Variants in XPO4 observed in about 807,000 individuals in gnomAD.
XPO4 encodes the protein exportin-4.
In XPO4, 39 loss-of-function variants were observed where a neutral mutation model predicts 143.0. That is an observed-to-expected ratio of 0.27 (90% confidence interval 0.21 to 0.36). XPO4 has a LOEUF of 0.36. Ranked by LOEUF, XPO4 falls within the 10% of genes least tolerant of loss-of-function variation. XPO4 has a pLI of 1.00. For synonymous variants in XPO4, 439 were observed against 474.0 expected (o/e 0.93, Z 0.96); for missense variants, 907 against 1,348.0 (o/e 0.67, Z 5.12).
chr13:20,804,264 C>T (rs144202325), intron 13 of XPO4, among the ~76,000 whole-genome samples: 24 of 151,122 alleles, frequency 1.6e-4, no homozygotes, highest in Admixed American at 1.5e-3. Flanking sequence ...CACACACATA[C>T]ACACAAGCAT....
intron 1 of XPO4, among the ~76,000 whole-genome samples, chr13:20,870,354 C>A (rs2060283837): frequency 6.6e-6 from 1 of 151,874 alleles, no homozygotes; most frequent in Non-Finnish European, 1.5e-5. Context: ...ATCACTTGAA[C>A]CCAGGCAGCA....
chr13:20,812,613 T>G (rs1451735210), intron 9 of XPO4, among the ~76,000 whole-genome samples: 5 of 152,012 alleles, frequency 3.3e-5, no homozygotes, highest in Non-Finnish European at 7.4e-5. Flanking sequence ...AAATGCAATG[T>G]GATATCCAGG....
intron 13 of XPO4, among the ~76,000 whole-genome samples, chr13:20,801,839 T>C (rs909196396): frequency 6.6e-5 from 10 of 152,106 alleles, no homozygotes; most frequent in African/African-American, 2.2e-4. Context: ...CCTGAAATGA[T>C]CTCATCATGA....
chr13:20,889,498 G>A (rs2060491909), intron 1 of XPO4, among the ~76,000 whole-genome samples: 2 of 152,176 alleles, frequency 1.3e-5, no homozygotes, highest in Admixed American at 6.5e-5. Context: ...GCAACTAGTG[G>A]ATAGAGGGTA....
At chr13:20,872,079 A>T (rs973062477) in intron 1 of XPO4, among the ~76,000 whole-genome samples, 5 of 152,176 alleles carry the variant, frequency 3.3e-5, no homozygotes, top group Admixed American at 2.0e-4. Context: ...CAGTCCGGGA[A>T]ACCTTTTAAA....
rs66665772 is a variant in XPO4, at chr13:20,855,461, GA to G, written c.456+165del. On this transcript the variant is annotated intron_variant, in intron 4 of 22. Coordinates refer to ENST00000255305, the MANE Select transcript of XPO4 (RefSeq NM_022459.5). ...CAAGAGCAAAACTCTTGTCACAAGG[GA>G]AAAAAAAAAAAAAAGACTAGAAGAA... 8.0e-3 allele frequency among the ~76,000 whole-genome samples: 978 copies of G among 122,502 alleles called. 8 individuals carry two copies. The highest frequency in any genetic ancestry group is 0.021 in the African/African-American group (719 of 33,960). The allele number at this position is 122,502 out of a possible 152,430, so 80.4% of individuals were successfully genotyped here.
chr13:20,850,320 G>C (rs1003210018), intron 4 of XPO4: 2 of 948,906 alleles, frequency 2.1e-6, no homozygotes, highest in African/African-American at 3.5e-5. Flanking sequence ...TTACATATTA[G>C]TGAACTAATG....
intron 9 of XPO4, among the ~76,000 whole-genome samples, chr13:20,820,383 TCA>T (rs1035225282): frequency 1.3e-5 from 2 of 152,168 alleles, no homozygotes; most frequent in Non-Finnish European, 2.9e-5. Flanking sequence ...CACGCTTAAC[TCA>T]CAAACAGAAC....
chr13:20,858,613 T>C (rs1443367908), intron 3 of XPO4, among the ~76,000 whole-genome samples: 2 of 152,154 alleles, frequency 1.3e-5, no homozygotes, highest in Non-Finnish European at 2.9e-5. Flanking sequence ...GGCTCATGCC[T>C]GTAATCTTAG....
chr13:20,826,840 A>C (rs1396026247), intron 7 of XPO4, among the ~76,000 whole-genome samples: 3 of 152,220 alleles, frequency 2.0e-5, no homozygotes. Context: ...CCTGAAATTA[A>C]AAGTTTGAGA....
intron 7 of XPO4, among the ~76,000 whole-genome samples, chr13:20,823,918 C>T (rs1426470777): frequency 1.3e-5 from 2 of 152,236 alleles, no homozygotes; most frequent in African/African-American, 2.4e-5. Flanking sequence ...TCCCAAAGTG[C>T]TGGGATTACA....
intron 1 of XPO4, among the ~76,000 whole-genome samples, chr13:20,896,132 T>G (rs1026021004): frequency 6.6e-6 from 1 of 152,248 alleles, no homozygotes; most frequent in Non-Finnish European, 1.5e-5. Context: ...TCTAACTTTC[T>G]ATTCTTTTCC....
At position 20,798,142 on chromosome 13, in the gene XPO4, C is replaced by CA. The variant is rs538743645; in HGVS notation, c.2322+1022dup. On this transcript the variant is annotated intron_variant, in intron 16 of 22. Coordinates refer to ENST00000255305, the MANE Select transcript of XPO4 (RefSeq NM_022459.5). ...TGAGTGACAGAGCAAGACTCCGTCT[C>CA]AAAAAAAAAGAAAATAGGGTTGTCA... Among the ~76,000 whole-genome samples the CA allele has an allele frequency of 1.3e-3, 193 of 149,122 alleles. 4 individuals carry two copies. The South Asian group carries it at 0.027, about 21-fold the overall frequency.
intron 5 of XPO4, 126 bp downstream of exon 5, chr13:20,843,644 A>G (rs1372517189): frequency 1.5e-6 from 1 of 682,134 alleles, no homozygotes; most frequent in African/African-American, 1.8e-5. Flanking sequence ...TGAAATCACA[A>G]AACAAATCCT....
intron 1 of XPO4, among the ~76,000 whole-genome samples, chr13:20,891,608 A>C (rs1209792824): frequency 6.6e-6 from 1 of 152,034 alleles, no homozygotes; most frequent in Non-Finnish European, 1.5e-5. Flanking sequence ...CACGTCTGTA[A>C]TCCTAGCACT....
At chr13:20,810,257 TAAA>T (rs972530628) in intron 9 of XPO4, among the ~76,000 whole-genome samples, 1 of 151,162 alleles carries the variant, frequency 6.6e-6, no homozygotes, top group African/African-American at 2.4e-5. Flanking sequence ...ATTGTTAAAA[TAAA>T]AAAAAATGTA....
intron 1 of XPO4, among the ~76,000 whole-genome samples, chr13:20,879,967 A>T (rs184763269): frequency 1.6e-3 from 242 of 152,360 alleles, no homozygotes; most frequent in Middle Eastern, 3.4e-3. Flanking sequence ...ACATGAAAAG[A>T]TGTCCAACAT....
chr13:20,876,887 G>C (rs2138150294), intron 1 of XPO4, among the ~76,000 whole-genome samples: 1 of 152,290 alleles, frequency 6.6e-6, no homozygotes, highest in African/African-American at 2.4e-5. Context: ...CATCGTGTAA[G>C]GGGACCCAAG....
intron 9 of XPO4, among the ~76,000 whole-genome samples, chr13:20,817,518 T>C (rs962572102): frequency 5.3e-5 from 8 of 152,194 alleles, no homozygotes; most frequent in African/African-American, 1.9e-4. Context: ...AAATTGTTAT[T>C]TACCACGATT....
Sources: allele counts gnomAD v4.1 joint callset (sites outside exome capture counted in the v4.1 genomes callset), GRCh38; gene constraint gnomAD v4.1.1; transcripts MANE v1.5; gene names NCBI Gene and HGNC (gene_info 2026-07-23, HGNC 2026-07-21).